The following LRRC36 variants were observed in gnomAD, a reference collection of about 807,000 sequenced individuals.
LRRC36 encodes leucine rich repeat containing 36.
In LRRC36, 62 loss-of-function variants were observed where a neutral mutation model predicts 81.1. The ratio of observed to expected loss-of-function variants is 0.76; its 90% CI spans 0.62 to 0.94. LRRC36 has a LOEUF of 0.94. Among genes scored for constraint, LRRC36 ranks in the 40% least tolerant of loss-of-function variants. The pLI, the probability that LRRC36 is intolerant of heterozygous loss-of-function variation, is 0.00. For missense variants in LRRC36, 761 were observed against 881.7 expected (o/e 0.86, Z 1.73); for synonymous variants, 334 against 348.6 (o/e 0.96, Z 0.47).
At chr16:67,353,448 G>A (rs564672816) in intron 5 of LRRC36, among the ~76,000 whole-genome samples, 12 of 152,074 alleles carry the variant, frequency 7.9e-5, no homozygotes, top group African/African-American at 2.4e-4. Flanking sequence ...GTACAGTGGC[G>A]AGATCTCGGC....
chr16:67,346,458 T>A lies in LRRC36; in HGVS notation c.391+10T>A. ...ACTCTGGAGAAATTAGGTAAGACCTTCCTTCTCTGTTCCTGTCCACAGAAT... is the reference window on the plus strand; with the variant it reads ...ACTCTGGAGAAATTAGGTAAGACCTACCTTCTCTGTTCCTGTCCACAGAAT... On this transcript the variant is annotated intron_variant, in intron 3 of 13. Transcript: ENST00000329956. 6.5e-7 allele frequency: 1 copy of A among 1,544,864 alleles called. No individual in the cohort carries two copies. Among genetic ancestry groups the A allele is most frequent in the Non-Finnish European group, 8.8e-7 (1 of 1,131,358 alleles).
chr16:67,380,982 G>C lies in LRRC36; in HGVS notation c.1931-1151G>C, dbSNP rs552630343. Among the ~76,000 whole-genome samples the C allele has an allele frequency of 2.7e-3, 416 of 152,272 alleles. 1 individual carries two copies. The highest frequency in any genetic ancestry group is 9.5e-3 in the African/African-American group (393 of 41,548). On this transcript the variant is annotated intron_variant, in intron 12 of 13. Transcript: ENST00000329956. ...CTCACGCCTGTAATCCCAACACTTT[G>C]GGAGGCTGGGGTGGGTGGATCACCT...
intron 1 of LRRC36, among the ~76,000 whole-genome samples, chr16:67,336,925 AC>A (rs1414468520): frequency 1.3e-5 from 2 of 151,584 alleles, no homozygotes; most frequent in Non-Finnish European, 2.9e-5. Context: ...GTGCCACCAC[AC>A]CCGGCTAATT....
At chr16:67,327,039 A>C (rs899578565) in intron 1 of LRRC36, 107 bp downstream of exon 1, 82 of 996,602 alleles carry the variant, frequency 8.2e-5, no homozygotes, top group Non-Finnish European at 1.1e-4. Context: ...AGGGAACCAC[A>C]GAGAAGCGGT....
chr16:67,384,925 G>C lies in LRRC36; in HGVS notation c.2101G>C (p.Gly701Arg). The C allele has an allele frequency of 6.2e-7, 1 of 1,614,196 alleles. No individual in the cohort carries two copies. ...GCAGCAGCTGAATAAGGAGCCAAAA[G>C]GTTATTCCGGGAAAGCGCTCCTGCC... is the stretch of plus-strand genomic sequence containing the variant. Reference protein sequence around the residue: ...LLQQLNKEPKGYSGKALLPPE... With the variant: ...LLQQLNKEPKRYSGKALLPPE... The change falls in exon 14 of 14, where the codon GGT becomes CGT. Residue 701 changes from glycine to arginine, a missense_variant. Around this residue, in one of 3 missense-constraint regions of LRRC36, gnomAD observed 359 missense variants for 388.4 expected, o/e 0.92. Transcript: ENST00000329956.
intron 2 of LRRC36, among the ~76,000 whole-genome samples, chr16:67,342,633 C>G (rs527868481): frequency 1.3e-5 from 2 of 152,092 alleles, no homozygotes; most frequent in African/African-American, 4.8e-5. Context: ...GAACAGTGTG[C>G]GTGTGGATTA....
intron 5 of LRRC36, among the ~76,000 whole-genome samples, chr16:67,352,672 T>TA (rs990133600): frequency 1.3e-5 from 2 of 150,192 alleles, no homozygotes; most frequent in Non-Finnish European, 3.0e-5. Context: ...TTTATTTATT[T>TA]ATTTATTTAT....
At chr16:67,362,758 T>TTTTTTG (rs2039213636) in intron 5 of LRRC36, among the ~76,000 whole-genome samples, 1 of 144,884 alleles carries the variant, frequency 6.9e-6, no homozygotes, top group East Asian at 1.9e-4. Flanking sequence ...TCTCTCTCTT[T>TTTTTTG]TTTTTGTTTT....
intron 5 of LRRC36, among the ~76,000 whole-genome samples, chr16:67,352,823 G>A (rs1038010150): frequency 2.0e-5 from 3 of 151,788 alleles, no homozygotes; most frequent in Admixed American, 6.6e-5. Flanking sequence ...GACTACAGGT[G>A]TGTGCTACCA....
chr16:67,371,176 A>G lies in LRRC36; in HGVS notation c.1428A>G (p.Lys476=). ...RSLSPSKRGF[K]WKDNILANLN... The stretch of plus-strand genomic sequence containing the variant: ...TAAGCCCATCGAAGAGAGGATTCAA[A>G]TGGAAGGACAATATCCTTGCCAACC... Residue 476 remains lysine (K), a synonymous_variant, in exon 9 of 14, where the codon AAA becomes AAG. Coordinates refer to ENST00000329956, the MANE Select transcript of LRRC36 (RefSeq NM_018296.6). 1.2e-6 allele frequency: 2 copies of G among 1,614,198 alleles called. No homozygotes were observed. Among genetic ancestry groups the G allele is most frequent in the Non-Finnish European group, 1.7e-6 (2 of 1,180,036 alleles).
At position 67,365,295 on chromosome 16, in the gene LRRC36, T is replaced by C. The variant is rs768356973; in HGVS notation, c.703-9T>C. 11 of 1,605,792 alleles carry C rather than the reference T, an allele frequency of 6.9e-6. No individual in the cohort carries two copies. The highest frequency in any genetic ancestry group is 9.4e-6 in the Non-Finnish European group (11 of 1,174,392). ...CTTCCTTCTACCTAAACTTTCGAAC[T>C]TTTTTTAGACACAGGAAGTAGCAAG... On this transcript the variant is annotated splice_polypyrimidine_tract_variant and intron_variant, in intron 6 of 13. Transcript: ENST00000329956.
intron 5 of LRRC36, among the ~76,000 whole-genome samples, chr16:67,356,742 C>T (rs2038921015): frequency 6.6e-6 from 1 of 152,124 alleles, no homozygotes; most frequent in Admixed American, 6.5e-5. Context: ...AGTTAGTACT[C>T]ATTGCAGGCC....
intron 4 of LRRC36, among the ~76,000 whole-genome samples, chr16:67,348,248 G>GT (rs2038446538): frequency 6.6e-6 from 1 of 152,102 alleles, no homozygotes; most frequent in Admixed American, 6.5e-5. Flanking sequence ...ACAATTGAGA[G>GT]TTAACTATTA....
chr16:67,382,810 C>T (rs766342816), intron 13 of LRRC36, among the ~76,000 whole-genome samples: 11 of 152,090 alleles, frequency 7.2e-5, no homozygotes, highest in Non-Finnish European at 1.5e-4. Context: ...GGTGAAACTC[C>T]GTCTCTACTA....
chr16:67,349,342 C>T (rs866976068), intron 4 of LRRC36, among the ~76,000 whole-genome samples: 3 of 151,466 alleles, frequency 2.0e-5, no homozygotes, highest in Non-Finnish European at 4.4e-5. Context: ...AGTCCCAGTT[C>T]CCCCACCTAT....
intron 5 of LRRC36, among the ~76,000 whole-genome samples, chr16:67,361,638 T>A (rs2039148588): frequency 6.6e-6 from 1 of 152,210 alleles, no homozygotes; most frequent in African/African-American, 2.4e-5. Flanking sequence ...AATGGTGCGA[T>A]CTCAGCTCAC....
chr16:67,329,481 C>T (rs71393945), intron 1 of LRRC36, among the ~76,000 whole-genome samples: 12 of 151,866 alleles, frequency 7.9e-5, no homozygotes, highest in Admixed American at 3.3e-4. Flanking sequence ...TTAGTAGAGA[C>T]GGGGTTTCAC....
At chr16:67,330,553 A>G (rs1054104195) in intron 1 of LRRC36, among the ~76,000 whole-genome samples, 1 of 151,682 alleles carries the variant, frequency 6.6e-6, no homozygotes, top group Non-Finnish European at 1.5e-5. Flanking sequence ...ATCATTATAA[A>G]CTCATCGATT....
At chr16:67,346,631 C>T (rs754243723) in intron 3 of LRRC36, among the ~76,000 whole-genome samples, 183 bp downstream of exon 3, 2 of 152,094 alleles carry the variant, frequency 1.3e-5, no homozygotes, top group South Asian at 4.1e-4. Context: ...TATTGAATGA[C>T]AGTCTATGAT....
Sources: gnomAD v4.1 joint callset for allele counts (sites outside exome capture counted in the v4.1 genomes callset) on GRCh38, gnomAD v4.1.1 for gene constraint, gnomAD v4.1.1 regional missense constraint, MANE v1.5 for transcripts, NCBI Gene and HGNC (gene_info 2026-07-23, HGNC 2026-07-21) for gene names.